The following SLC44A5 variants were observed in gnomAD, a reference collection of about 807,000 sequenced individuals.
SLC44A5 encodes the protein choline transporter-like protein 5.
SLC44A5 carries 57 observed loss-of-function variants against 101.8 expected under a neutral mutation model. The ratio of observed to expected loss-of-function variants is 0.56; its 90% CI spans 0.45 to 0.70. The LOEUF is 0.70. Ranked by LOEUF, SLC44A5 falls within the 30% of genes least tolerant of loss-of-function variation. The pLI is 0.00. For synonymous variants in SLC44A5, 281 were observed against 290.9 expected (o/e 0.97, Z 0.35); for missense variants, 737 against 853.1 (o/e 0.86, Z 1.70).
At chr1:75,602,664 C>T (rs1675047463) in intron 1 of SLC44A5, among the ~76,000 whole-genome samples, 1 of 152,014 alleles carries the variant, frequency 6.6e-6, no homozygotes, top group Non-Finnish European at 1.5e-5. Flanking sequence ...TGATGACATT[C>T]TTGTGCAACC....
chr1:75,331,546 T>C (rs919598994), intron 4 of SLC44A5, among the ~76,000 whole-genome samples: 1 of 152,198 alleles, frequency 6.6e-6, no homozygotes, highest in African/African-American at 2.4e-5. Context: ...AAAAGCTTCC[T>C]GTGAATCTCC....
At chr1:75,274,811 T>G in intron 6 of SLC44A5, 147 bp downstream of exon 6, 1 of 636,436 alleles carries the variant, frequency 1.6e-6, no homozygotes, top group Non-Finnish European at 2.7e-6. Flanking sequence ...CCCAACTGCT[T>G]ATAGCTATCT....
chr1:75,468,009 G>A lies in SLC44A5; in HGVS notation c.14-71388C>T, dbSNP rs149027221. ...AAATCTAATAATCCAATCAAAAGAT[G>A]AACAAAAGATTTGAATAGACATTTC... On this transcript the variant is annotated intron_variant, in intron 2 of 23. Coordinates refer to ENST00000370859, the MANE Select transcript of SLC44A5 (RefSeq NM_001130058.2). 6.9e-3 allele frequency among the ~76,000 whole-genome samples: 1,037 copies of A among 150,520 alleles called. 8 individuals are homozygous for A. The highest frequency in any genetic ancestry group is 0.01 in the Admixed American group (154 of 15,018).
At chr1:75,559,752 C>T (rs1034506982) in intron 1 of SLC44A5, among the ~76,000 whole-genome samples, 2 of 151,940 alleles carry the variant, frequency 1.3e-5, no homozygotes, top group African/African-American at 4.8e-5. Context: ...GAAAAGACAA[C>T]CCATAGAATG....
intron 3 of SLC44A5, among the ~76,000 whole-genome samples, chr1:75,341,796 T>C (rs1657904390): frequency 6.6e-6 from 1 of 152,176 alleles, no homozygotes; most frequent in Non-Finnish European, 1.5e-5. Context: ...TCATTCCTGG[T>C]TCTAGATTTC....
intron 1 of SLC44A5, among the ~76,000 whole-genome samples, chr1:75,563,624 T>C (rs1051861286): frequency 3.9e-5 from 6 of 152,118 alleles, no homozygotes; most frequent in Non-Finnish European, 8.8e-5. Flanking sequence ...ATTTAGAACA[T>C]GGTTTTCTAT....
At chr1:75,251,577 GAACTAATTT>G (rs1451256752) in intron 6 of SLC44A5, among the ~76,000 whole-genome samples, 4 of 151,988 alleles carry the variant, frequency 2.6e-5, no homozygotes, top group Non-Finnish European at 4.4e-5. Flanking sequence ...TAATGCTAAA[GAACTAATTT>G]AATGGATGGT....
At chr1:75,311,045 C>A (rs929852596) in intron 4 of SLC44A5, among the ~76,000 whole-genome samples, 13 of 151,414 alleles carry the variant, frequency 8.6e-5, no homozygotes, top group Non-Finnish European at 1.5e-4. Flanking sequence ...ATATTTAAAT[C>A]ATTAGACATA....
intron 6 of SLC44A5, among the ~76,000 whole-genome samples, chr1:75,252,257 C>T (rs1649639413): frequency 6.6e-6 from 1 of 152,174 alleles, no homozygotes. Flanking sequence ...TGTTTCTTAA[C>T]TCTTTGTCAA....
intron 3 of SLC44A5, among the ~76,000 whole-genome samples, chr1:75,393,828 A>G (rs897132987): frequency 2.0e-5 from 3 of 152,170 alleles, no homozygotes; most frequent in African/African-American, 7.2e-5. Flanking sequence ...TAGGTATCTA[A>G]CTGAGAAATA....
At chr1:75,583,022 G>T (rs1362038786) in intron 1 of SLC44A5, among the ~76,000 whole-genome samples, 1 of 152,070 alleles carries the variant, frequency 6.6e-6, no homozygotes, top group East Asian at 1.9e-4. Flanking sequence ...TAACAATTTT[G>T]TCATCCAGTA....
intron 1 of SLC44A5, among the ~76,000 whole-genome samples, chr1:75,547,465 C>T (rs1275746249): frequency 6.6e-6 from 1 of 152,134 alleles, no homozygotes; most frequent in Non-Finnish European, 1.5e-5. Flanking sequence ...TGAAACTTAG[C>T]TGTGATTCTA....
chr1:75,483,441 A>G (rs754449196), intron 2 of SLC44A5, among the ~76,000 whole-genome samples: 1 of 152,224 alleles, frequency 6.6e-6, no homozygotes, highest in Non-Finnish European at 1.5e-5. Context: ...TTGAAACAAG[A>G]TAAAACAGAG....
chr1:75,585,823 C>T (rs763671109), intron 1 of SLC44A5, among the ~76,000 whole-genome samples: 19 of 152,068 alleles, frequency 1.2e-4, no homozygotes, highest in Non-Finnish European at 2.2e-4. Context: ...ATGGGGGACT[C>T]ATAAAATACA....
the SLC44A5 span, among the ~76,000 whole-genome samples, chr1:75,681,414 C>G: frequency 6.6e-6 from 1 of 151,586 alleles, no homozygotes; most frequent in Non-Finnish European, 1.5e-5. Flanking sequence ...CCACCATGAT[C>G]AAGTGGGCTT....
At chr1:75,514,550 T>A (rs937256807) in intron 2 of SLC44A5, among the ~76,000 whole-genome samples, 1 of 152,250 alleles carries the variant, frequency 6.6e-6, no homozygotes, top group Admixed American at 6.5e-5. Context: ...AGAATCTCTC[T>A]TTCACCAAAA....
chr1:75,667,100 G>C, the SLC44A5 span, among the ~76,000 whole-genome samples: 1 of 152,152 alleles, frequency 6.6e-6, no homozygotes, highest in African/African-American at 2.4e-5. Context: ...AATCTGGCAA[G>C]AGAAAGAAAG....
chr1:75,668,285 C>G, the SLC44A5 span, among the ~76,000 whole-genome samples: 1 of 120,640 alleles, frequency 8.3e-6, no homozygotes, highest in Non-Finnish European at 1.7e-5. Context: ...GGGAGGATTA[C>G]TTAAAAAGAA....
chr1:75,327,331 T>C (rs1444088404), intron 4 of SLC44A5, among the ~76,000 whole-genome samples: 2 of 152,174 alleles, frequency 1.3e-5, no homozygotes, highest in African/African-American at 4.8e-5. Context: ...TGAAACACAA[T>C]ATCCTGAATA....
Sources: gnomAD v4.1 joint callset for allele counts (sites outside exome capture counted in the v4.1 genomes callset) on GRCh38, gnomAD v4.1.1 for gene constraint, MANE v1.5 for transcripts, NCBI Gene and HGNC (gene_info 2026-07-23, HGNC 2026-07-21) for gene names.